PUM2: variants seen among roughly 807,000 people sequenced by gnomAD.
PUM2 encodes pumilio homolog 2.
Under a neutral mutation model 124.5 loss-of-function variants are expected in PUM2, and 57 were observed. That is an observed-to-expected ratio of 0.46 (90% CI 0.37 to 0.57). The LOEUF is 0.57. Among genes scored for constraint, PUM2 ranks in the 20% least tolerant of loss-of-function variants. The probability of loss-of-function intolerance (pLI) is 0.00; values close to 1 mark genes in which losing one functional copy is unlikely to be tolerated. For synonymous variants in PUM2, 460 were observed against 446.1 expected (o/e 1.03, Z -0.39); for missense variants, 1,065 against 1,290.6 (o/e 0.83, Z 2.68).
In PUM2 at chr2:20,290,649, T is replaced by C; in HGVS notation, c.1291+3A>G. 1.2e-6 allele frequency: 2 copies of C among 1,607,198 alleles called. No individual in the cohort carries two copies. The highest frequency in any genetic ancestry group is 2.2e-5 in the East Asian group (1 of 44,710). On this transcript the variant is annotated splice_donor_region_variant and intron_variant, in intron 10 of 20. Transcript: ENST00000361078. The stretch of plus-strand genomic sequence containing the variant: ...AAATTTCCACAAATGACCAATTGTA[T>C]ACCTGGCATGCCAGTAGCAAGACCC...
intron 12 of PUM2, 49 bp downstream of exon 12, chr2:20,282,898 T>C: frequency 1.3e-6 from 2 of 1,554,912 alleles, no homozygotes; most frequent in South Asian, 1.2e-5. Context: ...AACACACTCA[T>C]ATACCTCTTC....
At chr2:20,271,863 A>G (rs1270570988) in intron 13 of PUM2, among the ~76,000 whole-genome samples, 3 of 152,190 alleles carry the variant, frequency 2.0e-5, no homozygotes, top group Admixed American at 1.3e-4. Flanking sequence ...AGGTATTAGA[A>G]ATAAAAGCAT....
Position 20,263,285 on chromosome 2 carries a change from C to A in PUM2, c.2133G>T (p.Leu711Phe), listed in dbSNP as rs1666731815. 3.7e-6 allele frequency: 6 copies of A among 1,613,570 alleles called. No homozygotes were observed. The highest frequency in any genetic ancestry group is 5.1e-6 in the Non-Finnish European group (6 of 1,179,544). Residue 711 changes from leucine (L) to phenylalanine (F), a missense_variant, in exon 14 of 21, where the codon TTG (leucine) becomes TTT (phenylalanine). By Grantham distance (22) the Leu-to-Phe change is conservative. This residue lies in a region of PUM2 where 968 missense variants were observed against 1,159.8 expected (regional missense o/e 0.83). Coordinates refer to ENST00000361078, the MANE Select transcript of PUM2 (RefSeq NM_015317.5). ...GGAAGCGGTTGTTTCTGAAATCTTC[C>A]AATAATCTACTGCGGCCAGAAGGCA... ...DIMPSGRSRL[L>F]EDFRNNRFPN...
rs2098294 is a variant in PUM2, at chr2:20,261,746, A to T, written c.2226-1280T>A. Among the ~76,000 whole-genome samples the T allele has an allele frequency of 1.2e-3, 184 of 152,342 alleles. 3 individuals are homozygous for T. The East Asian group carries it at 0.032, about 27-fold the overall frequency. On this transcript the variant is annotated intron_variant, in intron 14 of 20. Transcript: ENST00000361078. ...GTCTTAGTTCTTAACAAAAAGTTTA[A>T]AAAATCTGTAAACAGAAAAAGTCTC... is the stretch of plus-strand genomic sequence containing the variant.
chr2:20,336,074 G>A lies in PUM2; in HGVS notation c.-18-8696C>T, dbSNP rs139137584. Among the ~76,000 whole-genome samples, 668 of 152,348 alleles carry A rather than the reference G, an allele frequency of 4.4e-3. 5 individuals carry two copies. Among genetic ancestry groups the A allele is most frequent in the African/African-American group, 0.015 (629 of 41,580 alleles). On this transcript the variant is annotated intron_variant, in intron 1 of 20. Transcript: ENST00000361078. ...ACACTAAACAGCCTCAATCTATGCTGGGTTTTGATGCTTTAGGTATTGTCT... is the reference window on the plus strand; with the variant it reads ...ACACTAAACAGCCTCAATCTATGCTAGGTTTTGATGCTTTAGGTATTGTCT...
In PUM2 at chr2:20,251,545, T is replaced by C. The variant is rs1036547409; in HGVS notation, c.*40A>G. The C allele has an allele frequency of 1.3e-6, 2 of 1,571,876 alleles. No individual in the cohort carries two copies. Among genetic ancestry groups the C allele is most frequent in the Non-Finnish European group, 1.7e-6 (2 of 1,156,854 alleles). ...TAATTCACACACAAAAAAATTCTTT[T>C]CACATGGTTAAATTATCTTCTTTCT... On this transcript the variant is annotated 3_prime_UTR_variant, in exon 21 of 21. Transcript: ENST00000361078.
intron 13 of PUM2, among the ~76,000 whole-genome samples, chr2:20,264,394 A>ATATATATATT (rs1268744692): frequency 1.6e-5 from 2 of 121,236 alleles, no homozygotes; most frequent in African/African-American, 5.9e-5. Flanking sequence ...ATATATATAT[A>ATATATATATT]TATTTGACAT....
intron 1 of PUM2, among the ~76,000 whole-genome samples, chr2:20,342,143 AAG>A (rs1687354271): frequency 2.0e-5 from 3 of 151,658 alleles, no homozygotes; most frequent in Non-Finnish European, 2.9e-5. Flanking sequence ...AAAAAAAAAA[AAG>A]AAAGAAAAAG....
Position 20,350,697 on chromosome 2 carries a change from G to T in PUM2, c.-119C>A, listed in dbSNP as rs1453355532. On this transcript the variant is annotated 5_prime_UTR_variant, in exon 1 of 21. Coordinates refer to ENST00000361078, the MANE Select transcript of PUM2 (RefSeq NM_015317.5). ...CTCCCCCTCCTCCGCCTTCGGTGGC[G>T]GCAATGTCTTCTTTCTCCACCTACC... 1.0e-5 allele frequency: 10 copies of T among 984,034 alleles called. No homozygotes were observed. In the African/African-American group the frequency reaches 1.1e-4, roughly 10 times the overall value. The allele number at this position is 984,034 out of a possible 1,614,324, so 61.0% of individuals were successfully genotyped here.
chr2:20,324,280 T>TA (rs1683140413), intron 2 of PUM2, among the ~76,000 whole-genome samples: 1 of 152,200 alleles, frequency 6.6e-6, no homozygotes, highest in Non-Finnish European at 1.5e-5. Flanking sequence ...CCCTACCTAG[T>TA]AAGTCTTCCA....
chr2:20,314,332 A>C (rs1223313704), intron 3 of PUM2, among the ~76,000 whole-genome samples: 1 of 152,174 alleles, frequency 6.6e-6, no homozygotes, highest in African/African-American at 2.4e-5. Context: ...TTAAAAAAAA[A>C]CTAAATTATC....
intron 3 of PUM2, among the ~76,000 whole-genome samples, chr2:20,315,836 CAAAAAAAAAAAA>C (rs60828412): frequency 1.4e-5 from 1 of 72,352 alleles, no homozygotes; most frequent in Non-Finnish European, 2.6e-5. Context: ...AACCTGGTCT[CAAAAAAAAAAAA>C]AAAAAAAAAA....
chr2:20,283,134 T>C lies in PUM2; in HGVS notation c.1533A>G (p.Gln511=). 8 of 1,614,158 alleles carry C rather than the reference T, an allele frequency of 5.0e-6. No homozygotes were observed. Among genetic ancestry groups the C allele is most frequent in the African/African-American group, 1.3e-5 (1 of 75,052 alleles). ...ATTGCAGATTAGTGCTTGGCTGCTG[T>C]TGCTGCTGCTGTGGTGGCTGAGTGC... The part of the protein sequence containing the change: ...PIGTQPPQQQ[Q]QQPSTNLQSN... The change falls in exon 12 of 21, where the codon CAA becomes CAG. Residue 511 remains glutamine, a synonymous_variant. Coordinates refer to ENST00000361078, the MANE Select transcript of PUM2 (RefSeq NM_015317.5).
intron 4 of PUM2, 146 bp downstream of exon 4, chr2:20,312,090 C>A: frequency 1.4e-6 from 1 of 709,678 alleles, no homozygotes; most frequent in Non-Finnish European, 2.2e-6. Flanking sequence ...TTTCAAGTGG[C>A]TAAGCAGAAG....
In PUM2 at chr2:20,248,952, A is replaced by C. The variant is rs1662635693; in HGVS notation, c.*2633T>G. 1 of 152,378 alleles carries C rather than the reference A, an allele frequency of 6.6e-6. No individual in the cohort carries two copies. The highest frequency in any genetic ancestry group is 2.1e-4 in the South Asian group (1 of 4,824). 9.4% of individuals were successfully genotyped at this position (152,378 alleles called of 1,614,324 possible). A position where few individuals can be genotyped will look rare whatever the true frequency, so the allele number is the denominator to read the frequency against. On this transcript the variant is annotated 3_prime_UTR_variant, in exon 21 of 21. Coordinates refer to ENST00000361078, the MANE Select transcript of PUM2 (RefSeq NM_015317.5). Reference sequence around the variant, plus strand: ...TTCTGAAATGTGATTTTCAGATTTTACCAAAATTTCATGCCAACTTACTAA... The same window carrying C: ...TTCTGAAATGTGATTTTCAGATTTTCCCAAAATTTCATGCCAACTTACTAA...
intron 1 of PUM2, among the ~76,000 whole-genome samples, chr2:20,339,227 T>C (rs532957180): frequency 1.3e-5 from 2 of 152,284 alleles, no homozygotes; most frequent in South Asian, 2.1e-4. Context: ...ATTACAGTTA[T>C]GTAATTCTGC....
chr2:20,300,509 G>A (rs974319195), intron 7 of PUM2, among the ~76,000 whole-genome samples: 2 of 151,012 alleles, frequency 1.3e-5, no homozygotes, highest in Non-Finnish European at 3.0e-5. Flanking sequence ...GGTTGCTGGG[G>A]GCCTTAGAAT....
intron 12 of PUM2, among the ~76,000 whole-genome samples, chr2:20,279,639 T>C (rs1671034627): frequency 6.6e-6 from 1 of 152,212 alleles, no homozygotes; most frequent in African/African-American, 2.4e-5. Flanking sequence ...ACCAAATTTT[T>C]ACTTAATATC....
chr2:20,342,687 A>G (rs1313579677), intron 1 of PUM2, among the ~76,000 whole-genome samples: 2 of 152,256 alleles, frequency 1.3e-5, no homozygotes, highest in African/African-American at 4.8e-5. Context: ...ACTTATGAAT[A>G]GTCTAAGAAA....
Sources: allele counts gnomAD v4.1 joint callset (sites outside exome capture counted in the v4.1 genomes callset), GRCh38; gene constraint gnomAD v4.1.1; regional missense constraint gnomAD v4.1.1; transcripts MANE v1.5; gene names NCBI Gene and HGNC (gene_info 2026-07-23, HGNC 2026-07-21).